Variants in TUSC3 observed in about 807,000 individuals in gnomAD.
TUSC3 encodes the protein dolichyl-diphosphooligosaccharide--protein glycosyltransferase subunit TUSC3.
A neutral mutation model predicts 44.8 loss-of-function variants in TUSC3; 45 were observed. The observed-to-expected ratio is 1.00, with a 90% confidence interval of 0.79 to 1.29. The LOEUF is 1.29. TUSC3 is among the 50% of genes most tolerant of loss of function. The pLI is 0.00. For synonymous variants in TUSC3, 212 were observed against 152.9 expected, an observed-to-expected ratio of 1.39 and a Z score of -2.85; for missense variants, 519 against 437.9, an observed-to-expected ratio of 1.19 and a Z score of -1.65.
the TUSC3 span, among the ~76,000 whole-genome samples, chr8:15,809,845 C>A: frequency 6.6e-6 from 1 of 152,202 alleles, no homozygotes; most frequent in African/African-American, 2.4e-5. Context: ...CAGACTTCTC[C>A]TTGCCTTAAG....
chr8:15,499,965 C>T (rs1228976328), intron 2 of TUSC3, among the ~76,000 whole-genome samples: 1 of 152,194 alleles, frequency 6.6e-6, no homozygotes, highest in Non-Finnish European at 1.5e-5. Context: ...CAATATAGAT[C>T]ATATTTCCAG....
At chr8:15,475,010 C>G (rs1262518903) in intron 1 of TUSC3, among the ~76,000 whole-genome samples, 2 of 151,980 alleles carry the variant, frequency 1.3e-5, no homozygotes, top group Non-Finnish European at 2.9e-5. Context: ...TTGATATTAC[C>G]TTTCCAAATG....
intron 6 of TUSC3, among the ~76,000 whole-genome samples, chr8:15,677,984 T>C (rs563080043): frequency 2.0e-5 from 3 of 152,274 alleles, no homozygotes; most frequent in East Asian, 1.9e-4. Flanking sequence ...GAAGTTCATA[T>C]TGGAGGTTAA....
At chr8:15,542,491 G>C (rs1294655536) in intron 1 of TUSC3, among the ~76,000 whole-genome samples, 2 of 151,914 alleles carry the variant, frequency 1.3e-5, no homozygotes. Flanking sequence ...ATATGCCCTC[G>C]GTGGAGAAGA....
In TUSC3 at chr8:15,671,932, G is replaced by C. The variant is rs1298481149; in HGVS notation, c.709-1815G>C. ...TATCTTATTCATTCTTACATCTCTA[G>C]AGTCCAGTAACATACCTGTTATACA... On this transcript the variant is annotated intron_variant, in intron 5 of 10. Transcript: ENST00000503731. Among the ~76,000 whole-genome samples, 26 of 151,870 alleles carry C rather than the reference G, an allele frequency of 1.7e-4. 1 individual carries two copies. Among genetic ancestry groups the C allele is most frequent in the Admixed American group, 9.2e-4 (14 of 15,210 alleles).
At chr8:15,800,666 T>C in the TUSC3 span, among the ~76,000 whole-genome samples, 10,596 of 152,196 alleles carry the variant, frequency 0.07, 567 homozygotes, top group African/African-American at 0.15. Context: ...TTATCCCTGG[T>C]CTGTGCTATC....
At chr8:15,448,117 A>ATATATATATATTTATTTATTTATT (rs1276079521) in intron 1 of TUSC3, among the ~76,000 whole-genome samples, 1,751 of 93,812 alleles carry the variant, frequency 0.019, 168 homozygotes, top group African/African-American at 0.062. Context: ...ACATATATAT[A>ATATATATATATTTATTTATTTATT]TATTTATTTA....
At chr8:15,794,720 T>C in the TUSC3 span, among the ~76,000 whole-genome samples, 1 of 2,392 alleles carries the variant, frequency 4.2e-4, no homozygotes, top group African/African-American at 1.6e-3. Flanking sequence ...AGCCTAATAA[T>C]GCTTTGGGAA....
rs1314494109 is a variant in TUSC3, at chr8:15,559,142, TGCTATAAA to T, written c.138+18575_138+18582del. ...CCTGCTTTCTCTTGTGGGCATTTAG[TGCTATAAA>T]TTTCCCTCTACACACTGCTTTGAAT... On this transcript the variant is annotated intron_variant, in intron 1 of 10. Coordinates refer to ENST00000503731, the MANE Select transcript of TUSC3 (RefSeq NM_006765.4). Among the ~76,000 whole-genome samples, 169 of 144,870 alleles carry T rather than the reference TGCTATAAA, an allele frequency of 1.2e-3. 3 individuals are homozygous for T. The highest frequency in any genetic ancestry group is 4.1e-3 in the African/African-American group (162 of 39,576).
chr8:15,832,633 C>G, the TUSC3 span, among the ~76,000 whole-genome samples: 1 of 152,070 alleles, frequency 6.6e-6, no homozygotes, highest in Non-Finnish European at 1.5e-5. Context: ...AGGTTGCAAT[C>G]TTAATTTCAG....
chr8:15,542,183 G>A (rs749554187), intron 1 of TUSC3, among the ~76,000 whole-genome samples: 42 of 152,040 alleles, frequency 2.8e-4, no homozygotes, highest in Non-Finnish European at 4.7e-4. Context: ...CAACTCAAAG[G>A]GGGAGGGGCA....
intron 8 of TUSC3, among the ~76,000 whole-genome samples, chr8:15,748,009 G>A (rs1423071812): frequency 1.3e-5 from 2 of 152,070 alleles, no homozygotes; most frequent in African/African-American, 4.8e-5. Flanking sequence ...AACGCAAGAG[G>A]CAATAATCTT....
chr8:15,451,924 G>GT (rs879490362), intron 1 of TUSC3, among the ~76,000 whole-genome samples: 4 of 152,010 alleles, frequency 2.6e-5, no homozygotes, highest in African/African-American at 7.3e-5. Context: ...AGGAAAAACA[G>GT]TTTTTTTGCT....
At chr8:15,694,254 C>G (rs1585238622) in intron 6 of TUSC3, among the ~76,000 whole-genome samples, 1 of 151,824 alleles carries the variant, frequency 6.6e-6, no homozygotes, top group African/African-American at 2.4e-5. Context: ...ACCAGCCTAG[C>G]CAACATGGTG....
the TUSC3 span, among the ~76,000 whole-genome samples, chr8:15,790,427 C>G: frequency 6.6e-6 from 1 of 152,102 alleles, no homozygotes; most frequent in African/African-American, 2.4e-5. Context: ...TCATGATCCA[C>G]TTGCCTTGGC....
intron 1 of TUSC3, among the ~76,000 whole-genome samples, chr8:15,576,292 ATT>A (rs1296664535): frequency 1.7e-4 from 12 of 70,110 alleles, no homozygotes; most frequent in African/African-American, 5.6e-4. Flanking sequence ...TTTTTTTTTT[ATT>A]TTTTTATTTT....
Position 15,525,516 on chromosome 8 carries a change from T to G in TUSC3, n.189+42033T>G, listed in dbSNP as rs528375687. On this transcript the variant is annotated intron_variant and non_coding_transcript_variant, in intron 2 of 5. Coordinates refer to the TUSC3 transcript ENST00000503191. Reference sequence around the variant, plus strand: ...TTTTAATGTATAATATGGCAAATACTGATAGGTATGTCTCACATAAACAAA... The same window carrying G: ...TTTTAATGTATAATATGGCAAATACGGATAGGTATGTCTCACATAAACAAA... Among the ~76,000 whole-genome samples the G allele has an allele frequency of 9.2e-5, 14 of 152,360 alleles. No individual in the cohort carries two copies. In the South Asian group the frequency reaches 2.9e-3, roughly 32 times the overall value.
At chr8:15,723,165 A>C (rs182527136) in intron 6 of TUSC3, among the ~76,000 whole-genome samples, 1 of 152,154 alleles carries the variant, frequency 6.6e-6, no homozygotes. Context: ...ATAGGAAAAT[A>C]AAATTCTAAG....
intron 2 of TUSC3, among the ~76,000 whole-genome samples, chr8:15,623,724 T>A (rs1050820706): frequency 3.3e-5 from 5 of 152,078 alleles, no homozygotes; most frequent in Non-Finnish European, 7.4e-5. Context: ...AAGAAAACTT[T>A]GGACAAGTAT....
Sources: allele counts gnomAD v4.1 joint callset (sites outside exome capture counted in the v4.1 genomes callset), GRCh38; gene constraint gnomAD v4.1.1; transcripts MANE v1.5; gene names NCBI Gene and HGNC (gene_info 2026-07-23, HGNC 2026-07-21).